The following EPPIN variants were observed in gnomAD, a reference collection of about 807,000 sequenced individuals.
EPPIN encodes the protein epididymal peptidase inhibitor, also known as WAP four-disulfide core domain protein 7.
Under a neutral mutation model 18.8 loss-of-function variants are expected in EPPIN, and 14 were observed. The ratio of observed to expected loss-of-function variants is 0.75; its 90% CI spans 0.49 to 1.17. The LOEUF (loss-of-function observed/expected upper bound fraction) is 1.17, where lower values mean the gene tolerates loss of function less well. EPPIN is among the 50% of genes most tolerant of loss of function. The pLI is 0.00. For missense variants in EPPIN, 143 were observed against 154.2 expected (o/e 0.93, Z 0.39); for synonymous variants, 57 against 54.8 (o/e 1.04, Z -0.18).
intron 1 of EPPIN, among the ~76,000 whole-genome samples, 185 bp downstream of exon 1, chr20:45,547,082 T>C (rs6104207): frequency 0.047 from 7,102 of 152,156 alleles, 379 homozygotes; most frequent in Admixed American, 0.11. Context: ...TTGCCTAAGT[T>C]GGGGTTACTG....
chr20:45,542,565 T>G, intron 3 of EPPIN, 135 bp downstream of exon 3: 1 of 1,351,204 alleles, frequency 7.4e-7, no homozygotes, highest in Non-Finnish European at 1.0e-6. Context: ...GGTGCATTCT[T>G]ACCTCCTGAT....
At chr20:45,544,483 G>A (rs1979735020) in intron 2 of EPPIN, 2 of 152,180 alleles carry the variant, frequency 1.3e-5, no homozygotes, top group Non-Finnish European at 1.5e-5. Flanking sequence ...GGAGGTAAGA[G>A]TTGAACTCAG....
At position 45,542,687 on chromosome 20, in the gene EPPIN, C is replaced by T; in HGVS notation, c.391+13G>A. On this transcript the variant is annotated intron_variant, in intron 3 of 3. Transcript: ENST00000354280. ...ACTGGAGAGGATGAAAGACCGGGGC[C>T]CCTAGGACTTACGTTTATTCTTGCA... 1 of 1,612,300 alleles carries T rather than the reference C, an allele frequency of 6.2e-7. No homozygotes were observed. Among genetic ancestry groups the T allele is most frequent in the Non-Finnish European group, 8.5e-7 (1 of 1,179,074 alleles).
Position 45,542,238 on chromosome 20 carries a change from G to T in EPPIN, c.392-84C>A, listed in dbSNP as rs552579936. On this transcript the variant is annotated intron_variant, in intron 3 of 3. Transcript: ENST00000354280. ...CTTGAAGTTATGTTTATACATCTTT[G>T]CACAGAAAGACACTAAAAAGTAGTG... is the stretch of plus-strand genomic sequence containing the variant. The T allele has an allele frequency of 1.0e-4, 156 of 1,565,304 alleles. 2 individuals carry two copies. The East Asian group carries it at 1.4e-3, about 14-fold the overall frequency.
chr20:45,542,685 G>A lies in EPPIN; in HGVS notation c.391+15C>T, dbSNP rs2231840. The A allele has an allele frequency of 1.2e-4, 196 of 1,610,470 alleles. No homozygotes were observed. Among genetic ancestry groups the A allele is most frequent in the Non-Finnish European group, 1.6e-4 (191 of 1,178,588 alleles). On this transcript the variant is annotated intron_variant, in intron 3 of 3. Coordinates refer to ENST00000354280, the MANE Select transcript of EPPIN (RefSeq NM_020398.4). ...GGACTGGAGAGGATGAAAGACCGGG[G>A]CCCCTAGGACTTACGTTTATTCTTG...
Position 45,544,510 on chromosome 20 carries a change from A to C in EPPIN, c.223+1129T>G, listed in dbSNP as rs1251855550. ...TGAACTCAGGATGGCTGAATTCAGA[A>C]TCCTTACCTGCTGGCATATGAGTGA... is the stretch of plus-strand genomic sequence containing the variant. On this transcript the variant is annotated intron_variant, in intron 2 of 3. Transcript: ENST00000354280. 4 of 152,180 alleles carry C rather than the reference A, an allele frequency of 2.6e-5. No homozygotes were observed. The East Asian group carries it at 7.7e-4, about 29-fold the overall frequency. The allele number at this position is 152,180 out of a possible 1,614,324, so 9.4% of individuals were successfully genotyped here. A position where few individuals can be genotyped will look rare whatever the true frequency, so the allele number is the denominator to read the frequency against.
chr20:45,542,273 TG>T, intron 3 of EPPIN, 119 bp from the exon 4 acceptor site: 1 of 1,342,470 alleles, frequency 7.4e-7, no homozygotes, highest in Non-Finnish European at 1.0e-6. Context: ...GGGTTTGCTT[TG>T]GGGAGCTCTC....
chr20:45,543,117 G>T (rs1278813427), intron 2 of EPPIN: 3 of 477,278 alleles, frequency 6.3e-6, no homozygotes, highest in African/African-American at 6.0e-5. Flanking sequence ...CCAAAATAGG[G>T]TGGGCCCCTA....
intron 2 of EPPIN, chr20:45,543,500 T>G (rs1979692004): frequency 6.6e-6 from 1 of 152,242 alleles, no homozygotes; most frequent in Admixed American, 6.5e-5. Flanking sequence ...AAATCTCCAC[T>G]GCTAAACAAT....
At position 45,545,829 on chromosome 20, in the gene EPPIN, T is replaced by C. The variant is rs776896589; in HGVS notation, c.92-59A>G. On this transcript the variant is annotated intron_variant, in intron 1 of 3. Transcript: ENST00000354280. Reference sequence around the variant, plus strand: ...TAGAGAGCATAGTGTCTCCCCACTTTGCCAGACACAAGGCAATTCTAGAGA... The same window carrying C: ...TAGAGAGCATAGTGTCTCCCCACTTCGCCAGACACAAGGCAATTCTAGAGA... 6.3e-6 allele frequency: 10 copies of C among 1,593,222 alleles called. No individual in the cohort carries two copies. In the South Asian group the frequency reaches 7.9e-5, roughly 13 times the overall value.
chr20:45,543,240 C>G (rs1979680046), intron 2 of EPPIN: 1 of 163,484 alleles, frequency 6.1e-6, no homozygotes, highest in Admixed American at 6.4e-5. Context: ...TGTCTACAAG[C>G]CAAAGAACAC....
intron 2 of EPPIN, chr20:45,543,777 TTGTC>T (rs2145551666): frequency 6.5e-6 from 1 of 152,806 alleles, no homozygotes; most frequent in South Asian, 2.1e-4. Flanking sequence ...AGGCCCTTCA[TTGTC>T]TGGCTCCTAC....
rs751892351 is a variant in EPPIN at position 45,545,768 on chromosome 20, T to C, written c.94A>G (p.Arg32Gly). 1 of 1,613,984 alleles carries C rather than the reference T, an allele frequency of 6.2e-7. No homozygotes were observed. The highest frequency in any genetic ancestry group is 8.5e-7 in the Non-Finnish European group (1 of 1,179,904). Reference protein sequence around the residue: ...PGLTDWLFPRRCPKIREECEF... With the variant: ...PGLTDWLFPRGCPKIREECEF... Reference sequence around the variant, plus strand: ...CATTCTTCTCTGATTTTGGGACATCTCCCTAGGGAAAGAGCGGTTTTACAC... The same window carrying C: ...CATTCTTCTCTGATTTTGGGACATCCCCCTAGGGAAAGAGCGGTTTTACAC... The change falls in exon 2 of 4, where the codon AGA becomes GGA. Residue 32 changes from arginine (R) to glycine (G), a missense_variant and splice_region_variant. By Grantham distance (125) the Arg-to-Gly change is moderately radical. Transcript: ENST00000354280.
chr20:45,545,567 A>C, intron 2 of EPPIN, 72 bp downstream of exon 2: 1 of 1,606,868 alleles, frequency 6.2e-7, no homozygotes, highest in South Asian at 1.1e-5. Flanking sequence ...CAGGGCACAA[A>C]GCCAGTCCAG....
chr20:45,542,601 T>A (rs1979643345), intron 3 of EPPIN, 99 bp downstream of exon 3: 11 of 1,504,500 alleles, frequency 7.3e-6, no homozygotes, highest in Non-Finnish European at 8.9e-6. Flanking sequence ...CAGCACCAGG[T>A]CTGCCAAAGA....
chr20:45,542,254 A>C (rs1039074960), intron 3 of EPPIN, 100 bp from the exon 4 acceptor site: 1 of 1,514,040 alleles, frequency 6.6e-7, no homozygotes, highest in Non-Finnish European at 9.0e-7. Flanking sequence ...AAAGACACTA[A>C]AAAGTAGTGG....
chr20:45,545,052 A>T (rs1183719060), intron 2 of EPPIN: 1 of 152,448 alleles, frequency 6.6e-6, no homozygotes, highest in Non-Finnish European at 1.5e-5. Flanking sequence ...CCACACTGAG[A>T]CCAAATCCTA....
chr20:45,542,832 G>C lies in EPPIN; in HGVS notation c.259C>G (p.Leu87Val). The change falls in exon 3 of 4, where the codon CTG becomes GTG. Residue 87 changes from leucine (L) to valine (V), a missense_variant. Coordinates refer to ENST00000354280, the MANE Select transcript of EPPIN (RefSeq NM_020398.4). Reference protein sequence around the residue: ...CEMPKETGPCLAYFLHWWYDK... With the variant: ...CEMPKETGPCVAYFLHWWYDK... ...TACCACCAATGAAGAAAATAAGCCA[G>C]GCAGGGGCCAGTTTCTTTTGGCATT... 1.2e-6 allele frequency: 2 copies of C among 1,613,772 alleles called. No homozygotes were observed. The highest frequency in any genetic ancestry group is 1.7e-6 in the Non-Finnish European group (2 of 1,179,788).
intron 1 of EPPIN, 143 bp from the exon 2 acceptor site, chr20:45,545,913 C>T (rs1979810916): frequency 3.1e-6 from 4 of 1,307,550 alleles, no homozygotes; most frequent in South Asian, 1.4e-5. Flanking sequence ...TCAGGGCAGC[C>T]TCACTCATTT....
Sources: allele counts gnomAD v4.1 joint callset (sites outside exome capture counted in the v4.1 genomes callset), GRCh38; gene constraint gnomAD v4.1.1; transcripts MANE v1.5; gene names NCBI Gene and HGNC (gene_info 2026-07-23, HGNC 2026-07-21).